BLTP3A: variants seen among roughly 807,000 people sequenced by gnomAD.
BLTP3A encodes ICBP90 binding protein 1.
chr6:34,802,472 C>T, the BLTP3A span, among the ~76,000 whole-genome samples: 109 of 151,916 alleles, frequency 7.2e-4, no homozygotes, highest in African/African-American at 2.5e-3. Flanking sequence ...CGGGTTCAAG[C>T]GATTCTCCCG....
the BLTP3A span, chr6:34,823,211 G>A: frequency 2.0e-6 from 3 of 1,473,110 alleles, no homozygotes; most frequent in African/African-American, 4.1e-5. Flanking sequence ...ATTGTGCTGT[G>A]TGTGTATTTG....
the BLTP3A span, among the ~76,000 whole-genome samples, chr6:34,845,151 A>G: frequency 6.6e-6 from 1 of 152,166 alleles, no homozygotes. Context: ...TTTGTCAGTA[A>G]TGAGTTCACT....
At chr6:34,798,056 T>G in the BLTP3A span, among the ~76,000 whole-genome samples, 1 of 152,202 alleles carries the variant, frequency 6.6e-6, no homozygotes, top group Admixed American at 6.5e-5. Context: ...CACCCTGCCC[T>G]GTGTCTCCTT....
chr6:34,821,419 T>TC, the BLTP3A span: 1 of 466,202 alleles, frequency 2.1e-6, no homozygotes. Context: ...GGTGTAGAGA[T>TC]GGTGTGGTCT....
the BLTP3A span, among the ~76,000 whole-genome samples, chr6:34,801,449 G>T: frequency 1.3e-5 from 2 of 152,098 alleles, no homozygotes; most frequent in African/African-American, 4.8e-5. Context: ...CTTGGAGTAA[G>T]TTCCTTTAGA....
the BLTP3A span, chr6:34,792,442 G>T: frequency 1.3e-6 from 1 of 797,102 alleles, no homozygotes; most frequent in Non-Finnish European, 1.8e-6. Flanking sequence ...CTCGAGCCCG[G>T]ACAGCTTCCC....
the BLTP3A span, among the ~76,000 whole-genome samples, chr6:34,801,527 G>A: frequency 6.6e-6 from 1 of 152,060 alleles, no homozygotes; most frequent in Non-Finnish European, 1.5e-5. Context: ...AGCGTTTGGT[G>A]AATGGGGGGC....
chr6:34,843,068 C>T, the BLTP3A span, among the ~76,000 whole-genome samples: 5 of 152,174 alleles, frequency 3.3e-5, no homozygotes, highest in Admixed American at 6.5e-5. Context: ...ACTGAAGCCT[C>T]AACTTCCCAG....
chr6:34,852,359 T>A, the BLTP3A span, among the ~76,000 whole-genome samples: 1 of 152,196 alleles, frequency 6.6e-6, no homozygotes, highest in Admixed American at 6.5e-5. Flanking sequence ...CTTCCAGGAC[T>A]GGGTCCTTCC....
chr6:34,847,055 A>G, the BLTP3A span, among the ~76,000 whole-genome samples: 12 of 152,160 alleles, frequency 7.9e-5, no homozygotes, highest in African/African-American at 2.7e-4. Flanking sequence ...GATATGTTGT[A>G]TCTTATAGAT....
chr6:34,800,863 G>A, the BLTP3A span, among the ~76,000 whole-genome samples: 1 of 151,936 alleles, frequency 6.6e-6, no homozygotes, highest in Middle Eastern at 3.4e-3. Context: ...AAGTAGCTGG[G>A]TTTACAGGCA....
At chr6:34,834,819 T>C in the BLTP3A span, 12 of 1,614,098 alleles carry the variant, frequency 7.4e-6, no homozygotes, top group Non-Finnish European at 9.3e-6. Context: ...CATTGAGGCT[T>C]ATTACGAACC....
chr6:34,840,285 C>T, the BLTP3A span, among the ~76,000 whole-genome samples: 1 of 151,786 alleles, frequency 6.6e-6, no homozygotes, highest in African/African-American at 2.4e-5. Context: ...GGCTTGGTGG[C>T]TCACGCGTGT....
chr6:34,869,640 C>CTTTTTTTTTTTTTTTTTTTT, the BLTP3A span, among the ~76,000 whole-genome samples: 1 of 81,532 alleles, frequency 1.2e-5, no homozygotes, highest in African/African-American at 6.1e-5. Flanking sequence ...ACATACACCA[C>CTTTTTTTTTTTTTTTTTTTT]TTTTTTTTTT....
chr6:34,823,559 CT>C, the BLTP3A span, among the ~76,000 whole-genome samples: 1 of 141,852 alleles, frequency 7.0e-6, no homozygotes, highest in African/African-American at 2.7e-5. Flanking sequence ...TTTTTTTTCC[CT>C]GGGATAGGGT....
chr6:34,815,107 A>C, the BLTP3A span, among the ~76,000 whole-genome samples: 1 of 152,218 alleles, frequency 6.6e-6, no homozygotes, highest in Non-Finnish European at 1.5e-5. Context: ...TGCAAAGATT[A>C]ATTCAGATGT....
the BLTP3A span, chr6:34,834,468 T>C: frequency 4.7e-5 from 75 of 1,585,076 alleles, no homozygotes; most frequent in Admixed American, 7.0e-5. Context: ...GACTGATTCT[T>C]AAAGGATATT....
the BLTP3A span, chr6:34,867,705 C>T: frequency 6.8e-7 from 1 of 1,462,444 alleles, no homozygotes; most frequent in East Asian, 2.4e-5. Context: ...GCTCTAAGGG[C>T]AGCCACTCTA....
chr6:34,843,452 TTTTTC>T, the BLTP3A span, among the ~76,000 whole-genome samples: 1 of 152,176 alleles, frequency 6.6e-6, no homozygotes, highest in Non-Finnish European at 1.5e-5. Flanking sequence ...GTTATTTTCT[TTTTTC>T]TTTTTAATTT....
Sources: gnomAD v4.1 joint callset for allele counts (sites outside exome capture counted in the v4.1 genomes callset) on GRCh38, gnomAD v4.1.1 for gene constraint, MANE v1.5 for transcripts, NCBI Gene and HGNC (gene_info 2026-07-23, HGNC 2026-07-21) for gene names.